MACIR: variants seen among roughly 807,000 people sequenced by gnomAD.
MACIR encodes the protein UNC119-binding protein C5orf30.
A neutral mutation model predicts 14.3 loss-of-function variants in MACIR; 4 were observed. The observed-to-expected ratio is 0.28, with a 90% CI of 0.14 to 0.64. MACIR has a LOEUF of 0.64. MACIR is among the 30% of genes least tolerant of loss of function. The pLI, the probability that MACIR is intolerant of heterozygous loss-of-function variation, is 0.83. For synonymous variants in MACIR, 101 were observed against 102.4 expected (o/e 0.99, Z 0.08); for missense variants, 228 against 257.6 (o/e 0.89, Z 0.79).
chr5:103,265,599 T>C (rs1447913107), intron 1 of MACIR, among the ~76,000 whole-genome samples: 1 of 152,200 alleles, frequency 6.6e-6, no homozygotes, highest in Non-Finnish European at 1.5e-5. Context: ...AGGACTAGGA[T>C]GGTGAAACCA....
chr5:103,268,683 G>T (rs1011590380), intron 2 of MACIR, among the ~76,000 whole-genome samples: 7 of 152,192 alleles, frequency 4.6e-5, no homozygotes, highest in African/African-American at 1.7e-4. Flanking sequence ...ACAAATCTGG[G>T]ATGGAAAACA....
Position 103,276,913 on chromosome 5 carries a change from C to G in MACIR, c.*373C>G, listed in dbSNP as rs1273890410. ...ATGATTCATTAGAAATTTATATCTT[C>G]AGTACTCAAGTACTTCTTGAATCTC... On this transcript the variant is annotated 3_prime_UTR_variant, in exon 3 of 3. Coordinates refer to ENST00000319933, the MANE Select transcript of MACIR (RefSeq NM_033211.4). 1 of 177,556 alleles carries G rather than the reference C, an allele frequency of 5.6e-6. No homozygotes were observed. The highest frequency in any genetic ancestry group is 1.3e-5 in the Non-Finnish European group (1 of 75,360). 11.0% of individuals were successfully genotyped at this position (177,556 alleles called of 1,614,324 possible). A position where few individuals can be genotyped will look rare whatever the true frequency, so the allele number is the denominator to read the frequency against.
intron 2 of MACIR, among the ~76,000 whole-genome samples, chr5:103,272,004 G>C (rs571749198): frequency 2.6e-5 from 4 of 152,276 alleles, no homozygotes; most frequent in Admixed American, 6.5e-5. Flanking sequence ...TATTCTTATT[G>C]ATGTAGTGGG....
chr5:103,262,919 T>G (rs1804779640), intron 1 of MACIR, among the ~76,000 whole-genome samples: 1 of 152,180 alleles, frequency 6.6e-6, no homozygotes, highest in African/African-American at 2.4e-5. Context: ...TTTCCAAGCC[T>G]TCAGTGTTTA....
At chr5:103,264,320 A>G (rs952206828) in intron 1 of MACIR, among the ~76,000 whole-genome samples, 51 of 152,130 alleles carry the variant, frequency 3.4e-4, no homozygotes, top group African/African-American at 1.2e-3. Context: ...GGATAATAAT[A>G]TTTTCTTCAT....
rs1474439380 is a variant in MACIR at position 103,276,682 on chromosome 5, T to A, written c.*142T>A. On this transcript the variant is annotated 3_prime_UTR_variant, in exon 3 of 3. Coordinates refer to ENST00000319933, the MANE Select transcript of MACIR (RefSeq NM_033211.4). ...TCCTGGAACATAAAAATTGTTTGGGTCAAATTTGAATACAGGAATGAAATC... is the reference window on the plus strand; with the variant it reads ...TCCTGGAACATAAAAATTGTTTGGGACAAATTTGAATACAGGAATGAAATC... The A allele has an allele frequency of 1.3e-6, 1 of 753,530 alleles. No homozygotes were observed. The highest frequency in any genetic ancestry group is 2.0e-6 in the Non-Finnish European group (1 of 496,120). The allele number at this position is 753,530 out of a possible 1,614,324, so 46.7% of individuals were successfully genotyped here.
intron 2 of MACIR, among the ~76,000 whole-genome samples, chr5:103,269,063 A>G (rs1805032037): frequency 6.6e-6 from 1 of 151,872 alleles, no homozygotes; most frequent in Non-Finnish European, 1.5e-5. Context: ...GAAATAATTA[A>G]CCAGATTTGG....
chr5:103,275,278 T>TTAC (rs1805281530), intron 2 of MACIR, among the ~76,000 whole-genome samples: 2 of 152,170 alleles, frequency 1.3e-5, no homozygotes, highest in South Asian at 4.1e-4. Context: ...GGAAGAACAT[T>TTAC]TACAAGGTTT....
At chr5:103,267,233 T>C (rs1208860533) in intron 2 of MACIR, among the ~76,000 whole-genome samples, 2 of 152,194 alleles carry the variant, frequency 1.3e-5, no homozygotes, top group African/African-American at 2.4e-5. Flanking sequence ...AAAAATGGTA[T>C]AGTATTTGCC....
At chr5:103,275,186 A>G (rs560189280) in intron 2 of MACIR, among the ~76,000 whole-genome samples, 5 of 152,352 alleles carry the variant, frequency 3.3e-5, no homozygotes, top group Middle Eastern at 3.4e-3. Context: ...CATTTTTAGT[A>G]TTAAAAATTA....
At position 103,277,119 on chromosome 5, in the gene MACIR, T is replaced by C. The variant is rs1439428414; in HGVS notation, c.*579T>C. On this transcript the variant is annotated 3_prime_UTR_variant, in exon 3 of 3. Coordinates refer to ENST00000319933, the MANE Select transcript of MACIR (RefSeq NM_033211.4). ...AGTAATCTTTCTTCACTTGCCTCAA[T>C]AATGTTATTGAGCAATGAATTTTTT... 1 of 167,126 alleles carries C rather than the reference T, an allele frequency of 6.0e-6. No homozygotes were observed. The highest frequency in any genetic ancestry group is 1.5e-5 in the Non-Finnish European group (1 of 68,120). The allele number at this position is 167,126 out of a possible 1,614,324, so 10.4% of individuals were successfully genotyped here.
chr5:103,261,638 TTTTCTTTCTTTCTTTCTTTCTTTCTTTC>T (rs781826997), intron 1 of MACIR, among the ~76,000 whole-genome samples: 1,184 of 96,852 alleles, frequency 0.012, 25 homozygotes, highest in African/African-American at 0.039. Flanking sequence ...CTGTTTTTCT[TTTTCTTTCTTTCTTTCTTTCTTTCTTTC>T]TTTCTTTCTT....
At chr5:103,263,805 C>A (rs986643907) in intron 1 of MACIR, among the ~76,000 whole-genome samples, 1 of 152,128 alleles carries the variant, frequency 6.6e-6, no homozygotes, top group African/African-American at 2.4e-5. Context: ...AGAAATAAAG[C>A]GGAAATATAT....
chr5:103,259,145 T>G (rs1804564456), intron 1 of MACIR: 1 of 152,042 alleles, frequency 6.6e-6, no homozygotes, highest in East Asian at 1.9e-4. Flanking sequence ...CCCTTGGCCT[T>G]GGTGGACCGG....
Position 103,276,815 on chromosome 5 carries a change from T to C in MACIR, c.*275T>C, listed in dbSNP as rs988830253. 1.0e-4 allele frequency: 30 copies of C among 288,328 alleles called. No individual in the cohort carries two copies. The highest frequency in any genetic ancestry group is 6.1e-4 in the African/African-American group (28 of 45,730). The allele number at this position is 288,328 out of a possible 1,614,324, so 17.9% of individuals were successfully genotyped here. ...TTTAGCTAGGAAAAAAAGGCTTTGG[T>C]ACAGTAATTTCATCTTTATGATTCT... On this transcript the variant is annotated 3_prime_UTR_variant, in exon 3 of 3. Transcript: ENST00000319933.
chr5:103,265,252 C>T (rs771038123), intron 1 of MACIR, among the ~76,000 whole-genome samples: 2 of 152,178 alleles, frequency 1.3e-5, no homozygotes, highest in Non-Finnish European at 2.9e-5. Flanking sequence ...TCATTTGCCT[C>T]GCATCAGTCT....
intron 1 of MACIR, among the ~76,000 whole-genome samples, chr5:103,263,029 T>G (rs1359199812): frequency 6.6e-6 from 1 of 152,228 alleles, no homozygotes; most frequent in Non-Finnish European, 1.5e-5. Flanking sequence ...TTGGGAATTT[T>G]TATATTACAA....
intron 2 of MACIR, among the ~76,000 whole-genome samples, chr5:103,274,677 A>G (rs1342537109): frequency 6.6e-6 from 1 of 151,746 alleles, no homozygotes; most frequent in Non-Finnish European, 1.5e-5. Context: ...AAAGCTTTCT[A>G]ATTGCTTGGA....
chr5:103,272,606 A>G (rs1554237210), intron 2 of MACIR, among the ~76,000 whole-genome samples: 1 of 152,236 alleles, frequency 6.6e-6, no homozygotes, highest in African/African-American at 2.4e-5. Flanking sequence ...CTTATTCAGC[A>G]TTCAGCCCAA....
Sources: allele counts gnomAD v4.1 joint callset (sites outside exome capture counted in the v4.1 genomes callset), GRCh38; gene constraint gnomAD v4.1.1; transcripts MANE v1.5; gene names NCBI Gene and HGNC (gene_info 2026-07-23, HGNC 2026-07-21).